FAM114A1: variants seen among roughly 807,000 people sequenced by gnomAD.
FAM114A1 encodes the protein protein NOXP20.
FAM114A1 carries 62 observed loss-of-function variants against 64.3 expected under a neutral mutation model. That is an observed-to-expected ratio of 0.96 (90% CI 0.79 to 1.19). The LOEUF (loss-of-function observed/expected upper bound fraction) is 1.19, where lower values mean the gene tolerates loss of function less well. Among genes scored for constraint, FAM114A1 ranks in the 50% most tolerant of loss-of-function variants. The pLI, the probability that FAM114A1 is intolerant of heterozygous loss-of-function variation, is 0.00. For synonymous variants in FAM114A1, 254 were observed against 251.1 expected (o/e 1.01, Z -0.11); for missense variants, 645 against 676.3 (o/e 0.95, Z 0.51).
chr4:38,900,034 A>G (rs777330787), intron 4 of FAM114A1, among the ~76,000 whole-genome samples: 2 of 152,094 alleles, frequency 1.3e-5, no homozygotes, highest in African/African-American at 2.4e-5. Flanking sequence ...CTATGTTTCT[A>G]TACTCTTTGG....
At chr4:38,871,477 A>T (rs964082740) in intron 2 of FAM114A1, among the ~76,000 whole-genome samples, 12 of 152,150 alleles carry the variant, frequency 7.9e-5, no homozygotes, top group Admixed American at 7.2e-4. Context: ...ATCTATAAAT[A>T]TTTTAAATAA....
At chr4:38,903,571 A>T (rs1225568803) in intron 4 of FAM114A1, among the ~76,000 whole-genome samples, 1 of 152,172 alleles carries the variant, frequency 6.6e-6, no homozygotes, top group Non-Finnish European at 1.5e-5. Context: ...GCATATATAT[A>T]TATTTAATGG....
chr4:38,880,729 CAA>C (rs1344831124), intron 3 of FAM114A1, among the ~76,000 whole-genome samples: 2 of 152,194 alleles, frequency 1.3e-5, no homozygotes. Context: ...CTACTGTTAA[CAA>C]ATATCTTGGT....
At chr4:38,876,099 T>C (rs12508035) in intron 2 of FAM114A1, among the ~76,000 whole-genome samples, 41,117 of 149,660 alleles carry the variant, frequency 0.27, 5,950 homozygotes, top group African/African-American at 0.31. Flanking sequence ...CTGACAAAGA[T>C]GTTACAAAGC....
chr4:38,943,746 G>T lies in FAM114A1; in HGVS notation c.*189G>T. 2.2e-6 allele frequency: 1 copy of T among 454,792 alleles called. No homozygotes were observed. The allele number at this position is 454,792 out of a possible 1,614,324, so 28.2% of individuals were successfully genotyped here. On this transcript the variant is annotated 3_prime_UTR_variant, in exon 15 of 15. Transcript: ENST00000358869. ...ATCATTTCTCTCAATGTGTATAATT[G>T]TTTTTACAAACAATTGTGTTTTCTT...
Position 38,943,672 on chromosome 4 carries a change from C to A in FAM114A1, c.*115C>A. On this transcript the variant is annotated 3_prime_UTR_variant, in exon 15 of 15. Transcript: ENST00000358869. ...CACAGACATCCATTTGAGGACACTACAAGCAATTTTGCACAGACAATATTG... is the reference window on the plus strand; with the variant it reads ...CACAGACATCCATTTGAGGACACTAAAAGCAATTTTGCACAGACAATATTG... 1.3e-6 allele frequency: 1 copy of A among 794,086 alleles called. No individual in the cohort carries two copies. Among genetic ancestry groups the A allele is most frequent in the Non-Finnish European group, 2.1e-6 (1 of 475,380 alleles). 49.2% of individuals were successfully genotyped at this position (794,086 alleles called of 1,614,324 possible).
intron 12 of FAM114A1, among the ~76,000 whole-genome samples, chr4:38,933,636 G>A (rs888896318): frequency 6.6e-6 from 1 of 152,156 alleles, no homozygotes; most frequent in Admixed American, 6.5e-5. Context: ...GAAAATAGTT[G>A]ATATGGAGCA....
At chr4:38,931,769 T>A (rs912441785) in intron 11 of FAM114A1, among the ~76,000 whole-genome samples, 157 bp downstream of exon 11, 2 of 152,160 alleles carry the variant, frequency 1.3e-5, no homozygotes, top group African/African-American at 2.4e-5. Context: ...GGTGAAACCC[T>A]GTCTCTAGTA....
At chr4:38,898,764 C>A (rs147764316) in intron 4 of FAM114A1, among the ~76,000 whole-genome samples, 2,365 of 152,048 alleles carry the variant, frequency 0.016, 114 homozygotes, top group Admixed American at 0.087. Context: ...TGATTGGCTC[C>A]CTTTTTGCTG....
In FAM114A1 at chr4:38,931,562, C is replaced by G. The variant is rs1317727678; in HGVS notation, c.1273C>G (p.Gln425Glu). 6.2e-7 allele frequency: 1 copy of G among 1,613,744 alleles called. No individual in the cohort carries two copies. Among genetic ancestry groups the G allele is most frequent in the South Asian group, 1.1e-5 (1 of 91,010 alleles). The change falls in exon 11 of 15, where the codon CAA becomes GAA. Residue 425 changes from glutamine to glutamate, a missense_variant. Coordinates refer to ENST00000358869, the MANE Select transcript of FAM114A1 (RefSeq NM_138389.4). ...GAAGGAAGAAAAGGAAGAGAAATCTCAAGACCCTCAAGAAGACAAAAAGGA... is the reference window on the plus strand; with the variant it reads ...GAAGGAAGAAAAGGAAGAGAAATCTGAAGACCCTCAAGAAGACAAAAAGGA... Reference protein sequence around the residue: ...TKKEEKEEKSQDPQEDKKEEK... With the variant: ...TKKEEKEEKSEDPQEDKKEEK...
At chr4:38,905,403 A>T (rs972881661) in intron 4 of FAM114A1, 119 bp from the exon 5 acceptor site, 237 of 721,306 alleles carry the variant, frequency 3.3e-4, no homozygotes, top group Non-Finnish European at 4.3e-4. Flanking sequence ...CATCTTTTAA[A>T]AAAAAAAAAA....
intron 4 of FAM114A1, among the ~76,000 whole-genome samples, chr4:38,904,846 A>C (rs1717829898): frequency 6.6e-6 from 1 of 152,256 alleles, no homozygotes. Context: ...CAGGTACACT[A>C]TACAAAGACT....
At position 38,908,488 on chromosome 4, in the gene FAM114A1, T is replaced by C; in HGVS notation, c.658-104T>C. On this transcript the variant is annotated intron_variant, in intron 6 of 14. Coordinates refer to ENST00000358869, the MANE Select transcript of FAM114A1 (RefSeq NM_138389.4). Reference sequence around the variant, plus strand: ...GATGAGAAAAAATTGTGACTTTATATTGATTTTAATATTTGAAGATAGTGC... The same window carrying C: ...GATGAGAAAAAATTGTGACTTTATACTGATTTTAATATTTGAAGATAGTGC... 4 of 1,148,840 alleles carry C rather than the reference T, an allele frequency of 3.5e-6. No individual in the cohort carries two copies. In the East Asian group the frequency reaches 1.0e-4, roughly 29 times the overall value. 71.2% of individuals were successfully genotyped at this position (1,148,840 alleles called of 1,614,324 possible).
chr4:38,892,804 G>C (rs1015014765), intron 4 of FAM114A1, among the ~76,000 whole-genome samples: 1 of 152,236 alleles, frequency 6.6e-6, no homozygotes, highest in Admixed American at 6.5e-5. Context: ...AAACCAGGAA[G>C]GTCTTCAGGC....
chr4:38,926,663 C>T (rs757900239), intron 9 of FAM114A1, among the ~76,000 whole-genome samples: 8 of 152,088 alleles, frequency 5.3e-5, no homozygotes, highest in African/African-American at 1.2e-4. Flanking sequence ...ACCACGTTGG[C>T]CAGGCTGGTC....
At chr4:38,914,881 A>C in intron 7 of FAM114A1, 40 bp from the exon 8 acceptor site, 1 of 1,591,696 alleles carries the variant, frequency 6.3e-7, no homozygotes, top group Non-Finnish European at 8.6e-7. Flanking sequence ...CGGTGCTTTT[A>C]AATGTACATC....
intron 3 of FAM114A1, among the ~76,000 whole-genome samples, chr4:38,888,443 A>G (rs1182729815): frequency 6.6e-6 from 1 of 152,188 alleles, no homozygotes; most frequent in East Asian, 1.9e-4. Flanking sequence ...AGATCACTTA[A>G]GCCCAGGAGT....
At chr4:38,920,640 A>G (rs914683620) in intron 8 of FAM114A1, among the ~76,000 whole-genome samples, 1 of 152,252 alleles carries the variant, frequency 6.6e-6, no homozygotes, top group African/African-American at 2.4e-5. Flanking sequence ...AGGCAAACAC[A>G]AATGTTCCAC....
At chr4:38,890,826 A>G (rs1380906911) in intron 3 of FAM114A1, among the ~76,000 whole-genome samples, 1 of 152,234 alleles carries the variant, frequency 6.6e-6, no homozygotes, top group Non-Finnish European at 1.5e-5. Context: ...ATATCAGTGA[A>G]TAAAACATTT....
Sources: gnomAD v4.1 joint callset for allele counts (sites outside exome capture counted in the v4.1 genomes callset) on GRCh38, gnomAD v4.1.1 for gene constraint, MANE v1.5 for transcripts, NCBI Gene and HGNC (gene_info 2026-07-23, HGNC 2026-07-21) for gene names.